The following ANK2 variants were observed in gnomAD, a reference collection of about 807,000 sequenced individuals.
ANK2 encodes ankyrin 2.
A neutral mutation model predicts 360.5 loss-of-function variants in ANK2; 83 were observed. That is an observed-to-expected ratio of 0.23 (90% confidence interval 0.19 to 0.28). The LOEUF (loss-of-function observed/expected upper bound fraction) is 0.28. Among genes scored for constraint, ANK2 ranks in the 10% least tolerant of loss-of-function variants. ANK2 has a pLI of 1.00. For missense variants in ANK2, 4,201 were observed against 4,795.7 expected, an observed-to-expected ratio of 0.88 and a Z score of 3.66; for synonymous variants, 1,740 against 1,759.5, an observed-to-expected ratio of 0.99 and a Z score of 0.28.
chr4:113,228,515 T>G (rs1245858151), intron 4 of ANK2, among the ~76,000 whole-genome samples: 1 of 152,216 alleles, frequency 6.6e-6, no homozygotes, highest in East Asian at 1.9e-4. Flanking sequence ...TGCCATTATT[T>G]TGTTCCTTTT....
In ANK2 at chr4:113,250,764, C is replaced by CCT. The variant is rs1554340372; in HGVS notation, c.990+903_990+904insTC. ...TCCACCTCATACCACCGCCCCCCCC[C>CCT]CCGACAGAGTTGGTATCAACTAATG... is the stretch of plus-strand genomic sequence containing the variant. On this transcript the variant is annotated intron_variant, in intron 10 of 45. Coordinates refer to ENST00000357077, the MANE Select transcript of ANK2 (RefSeq NM_001148.6). 1.6e-4 allele frequency among the ~76,000 whole-genome samples: 22 copies of CCT among 139,814 alleles called. 3 individuals carry two copies. The East Asian group carries it at 3.2e-3, about 20-fold the overall frequency. 91.7% of individuals were successfully genotyped at this position (139,814 alleles called of 152,430 possible).
chr4:113,117,139 G>A (rs1202323449), intron 1 of ANK2: 4 of 370,044 alleles, frequency 1.1e-5, no homozygotes, highest in African/African-American at 2.1e-5. Context: ...ACCTAGCTCG[G>A]GGGCGGAGTG....
chr4:112,726,036 G>A, the ANK2 span, among the ~76,000 whole-genome samples: 1 of 152,174 alleles, frequency 6.6e-6, no homozygotes, highest in African/African-American at 2.4e-5. Flanking sequence ...GGTGGTCAGA[G>A]AACACTTCCC....
the ANK2 span, among the ~76,000 whole-genome samples, chr4:112,721,888 G>A: frequency 6.6e-6 from 1 of 152,192 alleles, no homozygotes; most frequent in Non-Finnish European, 1.5e-5. Flanking sequence ...GCATCTGGAG[G>A]AATCTTTAAA....
Position 113,049,782 on chromosome 4 carries a change from C to G in ANK2, c.54C>G (p.Gly18=). 6.2e-7 allele frequency: 1 copy of G among 1,613,694 alleles called. No individual in the cohort carries two copies. The highest frequency in any genetic ancestry group is 8.5e-7 in the Non-Finnish European group (1 of 1,179,812). The change falls in exon 1 of 46, where the codon GGC becomes GGG. Residue 18 remains glycine, a synonymous_variant. Transcript: ENST00000357077. The part of the protein sequence containing the change: ...QKSDSGEKFN[G]SSQRRKRPKK... ...GCGACAGTGGAGAGAAGTTCAACGG[C>G]AGTAGTCAGAGGAGAAAAAGACCCA...
intron 2 of ANK2, among the ~76,000 whole-genome samples, chr4:112,978,485 C>A (rs1232440458): frequency 1.3e-5 from 2 of 152,142 alleles, no homozygotes; most frequent in African/African-American, 4.8e-5. Context: ...CCCAGTTTCC[C>A]GCTTTTCTTA....
At chr4:113,184,067 G>A (rs1562702678) in intron 2 of ANK2, among the ~76,000 whole-genome samples, 1 of 149,396 alleles carries the variant, frequency 6.7e-6, no homozygotes, top group African/African-American at 2.4e-5. Flanking sequence ...CTACTCAAGT[G>A]AAGTATGCAT....
At chr4:113,175,272 A>G (rs1051207894) in intron 2 of ANK2, among the ~76,000 whole-genome samples, 5 of 152,212 alleles carry the variant, frequency 3.3e-5, no homozygotes, top group African/African-American at 1.2e-4. Context: ...AATTATATAT[A>G]AATTCCTTTT....
intron 1 of ANK2, among the ~76,000 whole-genome samples, chr4:112,901,725 G>A (rs1283263134): frequency 6.6e-6 from 1 of 151,934 alleles, no homozygotes; most frequent in Non-Finnish European, 1.5e-5. Flanking sequence ...GCCGGGCACG[G>A]TGGCACGTGC....
intron 22 of ANK2, among the ~76,000 whole-genome samples, chr4:113,299,659 C>A (rs1437625333): frequency 6.8e-6 from 1 of 148,068 alleles, no homozygotes; most frequent in Non-Finnish European, 1.5e-5. Context: ...GAGCTGAGAT[C>A]GTGCCATTGC....
chr4:112,780,288 T>G, the ANK2 span, among the ~76,000 whole-genome samples: 2 of 152,128 alleles, frequency 1.3e-5, no homozygotes, highest in African/African-American at 4.8e-5. Context: ...GCATCTCCAG[T>G]CAAGGGCAAT....
chr4:113,088,822 T>C (rs2086226629), intron 1 of ANK2, among the ~76,000 whole-genome samples: 1 of 152,216 alleles, frequency 6.6e-6, no homozygotes, highest in Admixed American at 6.5e-5. Flanking sequence ...ATGACAGGTC[T>C]GTGAATTGGA....
At chr4:113,274,267 T>C (rs2059481902) in intron 14 of ANK2, among the ~76,000 whole-genome samples, 185 bp from the exon 15 acceptor site, 1 of 152,246 alleles carries the variant, frequency 6.6e-6, no homozygotes, top group African/African-American at 2.4e-5. Context: ...AAGGGAGACT[T>C]TGTGACCAAC....
At chr4:112,964,573 CTTTT>C (rs1434179621) in intron 2 of ANK2, among the ~76,000 whole-genome samples, 2 of 138,788 alleles carry the variant, frequency 1.4e-5, no homozygotes, top group Admixed American at 1.5e-4. Context: ...TTTCTTTTTT[CTTTT>C]TTTTTTTTTT....
intron 1 of ANK2, among the ~76,000 whole-genome samples, chr4:113,167,977 C>T (rs1275047795): frequency 6.6e-6 from 1 of 152,130 alleles, no homozygotes; most frequent in East Asian, 1.9e-4. Context: ...CAATTTTACT[C>T]TCTTTTAAAA....
chr4:113,242,274 C>G (rs1304860225), intron 9 of ANK2, 65 bp downstream of exon 9: 6 of 1,354,136 alleles, frequency 4.4e-6, no homozygotes, highest in Non-Finnish European at 6.3e-6. Context: ...TAGAAGGCAC[C>G]TCAAGACACC....
chr4:112,778,094 C>T, the ANK2 span, among the ~76,000 whole-genome samples: 2 of 151,898 alleles, frequency 1.3e-5, no homozygotes, highest in African/African-American at 2.4e-5. Context: ...CTCGGCCTTC[C>T]GAGGAGCTGG....
chr4:113,060,370 T>C (rs181291418), intron 1 of ANK2, among the ~76,000 whole-genome samples: 1 of 152,204 alleles, frequency 6.6e-6, no homozygotes, highest in Admixed American at 6.6e-5. Context: ...ACATAGATTA[T>C]CTAATTTTAT....
At chr4:112,997,083 A>G (rs1405973242) in intron 2 of ANK2, among the ~76,000 whole-genome samples, 1 of 151,610 alleles carries the variant, frequency 6.6e-6, no homozygotes, top group Non-Finnish European at 1.5e-5. Flanking sequence ...TCCCTGCTCT[A>G]TGGATTTTTT....
Sources: gnomAD v4.1 joint callset for allele counts (sites outside exome capture counted in the v4.1 genomes callset) on GRCh38, gnomAD v4.1.1 for gene constraint, MANE v1.5 for transcripts, NCBI Gene and HGNC (gene_info 2026-07-23, HGNC 2026-07-21) for gene names.